BANK1: variants seen among roughly 807,000 people sequenced by gnomAD.
BANK1 encodes the protein B cell scaffold protein with ankyrin repeats 1.
BANK1 carries 95 observed loss-of-function variants against 94.5 expected under a neutral mutation model. That is an observed-to-expected ratio of 1.00 (90% CI 0.85 to 1.19). The LOEUF (loss-of-function observed/expected upper bound fraction) is 1.19. Ranked by LOEUF, BANK1 falls within the 50% of genes most tolerant of loss-of-function variation. BANK1 has a pLI of 0.00. For missense variants in BANK1, 987 were observed against 932.2 expected, an observed-to-expected ratio of 1.06 and a Z score of -0.77; for synonymous variants, 334 against 308.4, an observed-to-expected ratio of 1.08 and a Z score of -0.87.
At chr4:102,019,608 C>G (rs1726821143) in intron 7 of BANK1, among the ~76,000 whole-genome samples, 2 of 152,170 alleles carry the variant, frequency 1.3e-5, no homozygotes, top group South Asian at 4.1e-4. Context: ...TCTGTCTACT[C>G]CATCACACAG....
chr4:102,032,564 T>A (rs1727356341), intron 10 of BANK1, among the ~76,000 whole-genome samples: 1 of 152,170 alleles, frequency 6.6e-6, no homozygotes, highest in South Asian at 2.1e-4. Context: ...AATATGGCTA[T>A]TCTTAGCTAT....
rs747724705 is a variant in BANK1, at chr4:101,870,561, A to G, written c.820A>G (p.Thr274Ala). Residue 274 changes from threonine (T) to alanine (A), a missense_variant, in exon 5 of 17, where the codon ACA (threonine) becomes GCA (alanine). Thr to Ala is a moderately conservative substitution (Grantham distance 58). Coordinates refer to ENST00000322953, the MANE Select transcript of BANK1 (RefSeq NM_017935.5). Reference sequence around the variant, plus strand: ...CTACTGTGATGGAATCGTTAAAGCTACAACCAAAATTAAGTACTACCCAAC... The same window carrying G: ...CTACTGTGATGGAATCGTTAAAGCTGCAACCAAAATTAAGTACTACCCAAC... ...NVYCDGIVKA[T>A]TKIKYYPTAK... 8 of 1,612,964 alleles carry G rather than the reference A, an allele frequency of 5.0e-6. No individual in the cohort carries two copies. The highest frequency in any genetic ancestry group is 3.3e-5 in the Admixed American group (2 of 59,862).
intron 2 of BANK1, among the ~76,000 whole-genome samples, chr4:101,836,489 A>G (rs1269433491): frequency 1.3e-5 from 2 of 152,304 alleles, no homozygotes; most frequent in East Asian, 3.9e-4. Context: ...CAAACAAAAC[A>G]AACAGAAACA....
chr4:101,867,648 A>C (rs1560608529), intron 4 of BANK1, among the ~76,000 whole-genome samples: 1 of 151,984 alleles, frequency 6.6e-6, no homozygotes, highest in African/African-American at 2.4e-5. Flanking sequence ...GGAGGGACTT[A>C]GGTTTGTTAA....
intron 6 of BANK1, among the ~76,000 whole-genome samples, chr4:101,900,261 A>AC (rs1195984479): frequency 1.4e-4 from 21 of 152,218 alleles, no homozygotes; most frequent in African/African-American, 5.1e-4. Flanking sequence ...ACTGAGAGTA[A>AC]CAGAGTAATA....
intron 7 of BANK1, among the ~76,000 whole-genome samples, chr4:101,944,252 CA>C (rs1319035114): frequency 6.6e-6 from 1 of 151,772 alleles, no homozygotes; most frequent in Non-Finnish European, 1.5e-5. Flanking sequence ...GGAAACTCAC[CA>C]TTTACAAGGG....
chr4:101,925,926 G>A lies in BANK1; in HGVS notation c.1206+7737G>A, dbSNP rs115261747. Among the ~76,000 whole-genome samples the A allele has an allele frequency of 4.5e-3, 677 of 151,774 alleles. 3 individuals carry two copies. The highest frequency in any genetic ancestry group is 7.5e-3 in the Non-Finnish European group (509 of 67,758). On this transcript the variant is annotated intron_variant, in intron 7 of 16. Coordinates refer to ENST00000322953, the MANE Select transcript of BANK1 (RefSeq NM_017935.5). The stretch of plus-strand genomic sequence containing the variant: ...AATGGTAATTAAAGCAATCAGTATT[G>A]ACACCATATCTGTCGAGCGTGGCCC...
At chr4:101,839,916 C>T (rs1197488726) in intron 2 of BANK1, among the ~76,000 whole-genome samples, 2 of 108,028 alleles carry the variant, frequency 1.9e-5, no homozygotes, top group Non-Finnish European at 3.9e-5. Flanking sequence ...AAGATAGCTA[C>T]TATATAATTT....
intron 7 of BANK1, among the ~76,000 whole-genome samples, chr4:101,949,568 G>T (rs1163611233): frequency 6.6e-6 from 1 of 152,072 alleles, no homozygotes; most frequent in Admixed American, 6.6e-5. Context: ...CTGGCATGTG[G>T]TAAGTTTTCA....
intron 2 of BANK1, among the ~76,000 whole-genome samples, chr4:101,845,767 A>G (rs1200468105): frequency 6.6e-6 from 1 of 152,246 alleles, no homozygotes; most frequent in East Asian, 1.9e-4. Flanking sequence ...TAACTGAAAC[A>G]TCAATGCAAT....
Position 101,918,025 on chromosome 4 carries a change from C to A in BANK1, c.1042C>A (p.His348Asn). The change falls in exon 7 of 17, where the codon CAC becomes AAC. Residue 348 changes from histidine to asparagine, a missense_variant. By Grantham distance (68) the His-to-Asn change is moderately conservative. Coordinates refer to ENST00000322953, the MANE Select transcript of BANK1 (RefSeq NM_017935.5). ...THFKELPTLL[H>N]CAAKFGLKNL... The stretch of plus-strand genomic sequence containing the variant: ...TTTCAAAGAACTTCCAACTCTTCTC[C>A]ACTGTGCAGCAAAATTTGGCTTAAA... 6.2e-7 allele frequency: 1 copy of A among 1,610,606 alleles called. No homozygotes were observed. The highest frequency in any genetic ancestry group is 8.5e-7 in the Non-Finnish European group (1 of 1,177,686).
intron 11 of BANK1, among the ~76,000 whole-genome samples, chr4:102,050,292 A>C (rs566919009): frequency 6.6e-6 from 1 of 152,270 alleles, no homozygotes; most frequent in East Asian, 1.9e-4. Context: ...TTGCTAACAA[A>C]ACCATGTCTT....
At chr4:102,015,303 CT>C (rs1286322584) in intron 7 of BANK1, among the ~76,000 whole-genome samples, 1 of 151,728 alleles carries the variant, frequency 6.6e-6, no homozygotes, top group Non-Finnish European at 1.5e-5. Context: ...TGACTTTGTA[CT>C]TTGTTATTCT....
At chr4:102,038,900 C>A (rs1211692979) in intron 10 of BANK1, among the ~76,000 whole-genome samples, 1 of 152,122 alleles carries the variant, frequency 6.6e-6, no homozygotes, top group Non-Finnish European at 1.5e-5. Flanking sequence ...GTTTTTGTTA[C>A]AACTTGAAAG....
At chr4:101,828,242 C>T (rs1049115908) in intron 1 of BANK1, among the ~76,000 whole-genome samples, 1 of 151,606 alleles carries the variant, frequency 6.6e-6, no homozygotes, top group Non-Finnish European at 1.5e-5. Context: ...AGCATATTTT[C>T]TCTAATTTTC....
At chr4:101,993,287 A>G (rs1449539762) in intron 7 of BANK1, among the ~76,000 whole-genome samples, 2 of 152,176 alleles carry the variant, frequency 1.3e-5, no homozygotes, top group Non-Finnish European at 1.5e-5. Flanking sequence ...TCGTTTTCTC[A>G]TACTTTCTGG....
At chr4:101,970,982 G>A (rs1414618891) in intron 7 of BANK1, among the ~76,000 whole-genome samples, 2 of 152,134 alleles carry the variant, frequency 1.3e-5, no homozygotes, top group Non-Finnish European at 2.9e-5. Flanking sequence ...GGCGTGTAAT[G>A]AGGCTTCACA....
At chr4:101,874,748 A>G (rs1036212509) in intron 5 of BANK1, among the ~76,000 whole-genome samples, 4 of 152,096 alleles carry the variant, frequency 2.6e-5, no homozygotes, top group Non-Finnish European at 5.9e-5. Context: ...CTTTTAGAGC[A>G]TATTATGCTC....
chr4:102,048,336 T>C (rs1183538532), intron 11 of BANK1, among the ~76,000 whole-genome samples: 1 of 152,100 alleles, frequency 6.6e-6, no homozygotes, highest in Non-Finnish European at 1.5e-5. Flanking sequence ...ACAAGATAAT[T>C]TGGAATACTT....
Sources: allele counts gnomAD v4.1 joint callset (sites outside exome capture counted in the v4.1 genomes callset), GRCh38; gene constraint gnomAD v4.1.1; transcripts MANE v1.5; gene names NCBI Gene and HGNC (gene_info 2026-07-23, HGNC 2026-07-21).